DPF3: variants seen among roughly 807,000 people sequenced by gnomAD.
DPF3 encodes double PHD fingers 3.
DPF3 carries 18 observed loss-of-function variants against 56.8 expected under a neutral mutation model. That is an observed-to-expected ratio of 0.32 (90% CI 0.22 to 0.47). DPF3 has a LOEUF of 0.47. Ranked by LOEUF, DPF3 falls within the 20% of genes least tolerant of loss-of-function variation. The pLI is 1.00. For missense variants in DPF3, 403 were observed against 488.8 expected (o/e 0.82, Z 1.65); for synonymous variants, 188 against 180.2 (o/e 1.04, Z -0.35).
intron 8 of DPF3, among the ~76,000 whole-genome samples, chr14:72,648,496 G>T (rs1191187035): frequency 4.6e-5 from 7 of 151,316 alleles, no homozygotes; most frequent in African/African-American, 1.5e-4. Flanking sequence ...AGGAGGCAGA[G>T]GTTGCAGTGA....
chr14:72,884,103 G>A (rs1382911279), intron 1 of DPF3, among the ~76,000 whole-genome samples: 1 of 152,044 alleles, frequency 6.6e-6, no homozygotes, highest in Non-Finnish European at 1.5e-5. Flanking sequence ...AGGACCAAAG[G>A]CCCAAGTTCC....
chr14:72,719,060 GTGC>G (rs1889059906), intron 5 of DPF3, among the ~76,000 whole-genome samples: 1 of 141,498 alleles, frequency 7.1e-6, no homozygotes, highest in Non-Finnish European at 1.5e-5. Context: ...GTGAGCCACC[GTGC>G]CAGGCCTTTT....
At chr14:72,813,266 T>G (rs976994569) in intron 1 of DPF3, among the ~76,000 whole-genome samples, 7 of 151,798 alleles carry the variant, frequency 4.6e-5, no homozygotes, top group African/African-American at 1.7e-4. Context: ...TAGCAGGGAG[T>G]ACCGTGGGTG....
intron 5 of DPF3, among the ~76,000 whole-genome samples, chr14:72,716,614 G>A (rs906292202): frequency 6.6e-6 from 1 of 152,118 alleles, no homozygotes; most frequent in Admixed American, 6.5e-5. Context: ...TCCCCTACAT[G>A]GAGAGACAAA....
At chr14:72,683,190 G>T (rs554553212) in intron 7 of DPF3, among the ~76,000 whole-genome samples, 2 of 152,160 alleles carry the variant, frequency 1.3e-5, no homozygotes, top group African/African-American at 4.8e-5. Flanking sequence ...AGCTGGGTGT[G>T]GTGGTGCACA....
At chr14:72,736,989 C>T (rs1246024324) in intron 3 of DPF3, among the ~76,000 whole-genome samples, 2 of 151,984 alleles carry the variant, frequency 1.3e-5, no homozygotes, top group East Asian at 3.9e-4. Flanking sequence ...TCCCTGGGCC[C>T]CCGTAAGCAG....
At chr14:72,821,766 G>A (rs1883554339) in intron 1 of DPF3, among the ~76,000 whole-genome samples, 1 of 152,184 alleles carries the variant, frequency 6.6e-6, no homozygotes, top group Admixed American at 6.5e-5. Context: ...AGAGCTTTGG[G>A]AGACCAAGGC....
intron 10 of DPF3, 108 bp from the exon 11 acceptor site, chr14:72,619,475 G>A: frequency 1.6e-6 from 2 of 1,279,100 alleles, no homozygotes; most frequent in Admixed American, 2.2e-5. Flanking sequence ...CTTTGGCAAT[G>A]CAGAAACCAA....
intron 1 of DPF3, among the ~76,000 whole-genome samples, chr14:72,838,291 C>T (rs923796233): frequency 1.3e-5 from 2 of 151,586 alleles, no homozygotes; most frequent in South Asian, 2.1e-4. Context: ...GTCAGGAGTT[C>T]GAGACCAGCC....
In DPF3 at chr14:72,732,936, T is replaced by C. The variant is rs10147466; in HGVS notation, c.302-1002A>G. 1.9e-3 allele frequency among the ~76,000 whole-genome samples: 288 copies of C among 151,634 alleles called. 2 individuals carry two copies. Among genetic ancestry groups the C allele is most frequent in the African/African-American group, 6.7e-3 (276 of 41,312 alleles). ...TTTCTTTCTTTCTCTCTCTCTCTCT[T>C]TCTTTCTCTTTTAGAGACAGGGTCT... On this transcript the variant is annotated intron_variant, in intron 3 of 10. Coordinates refer to ENST00000556509, the MANE Select transcript of DPF3 (RefSeq NM_001280542.3).
intron 1 of DPF3, among the ~76,000 whole-genome samples, chr14:72,790,573 T>C (rs961077471): frequency 5.9e-5 from 9 of 152,292 alleles, no homozygotes; most frequent in African/African-American, 2.2e-4. Context: ...TGATATGAGG[T>C]AGAGAATATT....
At chr14:72,746,112 C>A (rs1422717940) in intron 3 of DPF3, among the ~76,000 whole-genome samples, 4 of 152,236 alleles carry the variant, frequency 2.6e-5, no homozygotes, top group African/African-American at 9.6e-5. Flanking sequence ...GGGGGCACCA[C>A]CCTCCACTTT....
intron 1 of DPF3, among the ~76,000 whole-genome samples, chr14:72,887,087 G>T (rs899590671): frequency 6.6e-6 from 1 of 151,724 alleles, no homozygotes; most frequent in Non-Finnish European, 1.5e-5. Context: ...AGGCCAGAGA[G>T]ATCATGGACA....
chr14:72,829,110 T>G (rs1301378198), intron 1 of DPF3, among the ~76,000 whole-genome samples: 1 of 152,216 alleles, frequency 6.6e-6, no homozygotes, highest in Admixed American at 6.5e-5. Context: ...CCTCTTAGTC[T>G]GCCTCATTCA....
At chr14:72,851,710 G>T (rs2140084646) in intron 1 of DPF3, among the ~76,000 whole-genome samples, 1 of 152,338 alleles carries the variant, frequency 6.6e-6, no homozygotes, top group Non-Finnish European at 1.5e-5. Flanking sequence ...TGAGTATTTT[G>T]ATGCAGATAC....
At chr14:72,867,666 T>C (rs1260802004) in intron 1 of DPF3, among the ~76,000 whole-genome samples, 1 of 152,346 alleles carries the variant, frequency 6.6e-6, no homozygotes, top group South Asian at 2.1e-4. Flanking sequence ...AGTTGGGGGA[T>C]GGATACTTGG....
chr14:72,746,623 G>A (rs1890334421), intron 3 of DPF3, among the ~76,000 whole-genome samples: 1 of 152,250 alleles, frequency 6.6e-6, no homozygotes, highest in Non-Finnish European at 1.5e-5. Context: ...CTGGTGTGGA[G>A]GAATAAGCCT....
rs150044997 is a variant in DPF3, at chr14:72,833,145, G to A, written c.32+60912C>T. On this transcript the variant is annotated intron_variant, in intron 1 of 10. Coordinates refer to ENST00000556509, the MANE Select transcript of DPF3 (RefSeq NM_001280542.3). ...GTAACTCAAAGCTAGGAAGACTATC[G>A]GAATGACAAAGACCTGAACTAAGGC... is the stretch of plus-strand genomic sequence containing the variant. Among the ~76,000 whole-genome samples, 816 of 152,272 alleles carry A rather than the reference G, an allele frequency of 5.4e-3. 5 individuals are homozygous for A. Among genetic ancestry groups the A allele is most frequent in the African/African-American group, 0.019 (772 of 41,540 alleles).
At chr14:72,861,763 G>GAAAGAAAGAAAGA (rs1885433772) in intron 1 of DPF3, among the ~76,000 whole-genome samples, 1 of 144,738 alleles carries the variant, frequency 6.9e-6, no homozygotes, top group Non-Finnish European at 1.5e-5. Context: ...AAGAAAGAAA[G>GAAAGAAAGAAAGA]AAAGAAAGAA....
Sources: gnomAD v4.1 joint callset for allele counts (sites outside exome capture counted in the v4.1 genomes callset) on GRCh38, gnomAD v4.1.1 for gene constraint, MANE v1.5 for transcripts, NCBI Gene and HGNC (gene_info 2026-07-23, HGNC 2026-07-21) for gene names.